PARP4: variants seen among roughly 807,000 people sequenced by gnomAD.
PARP4 encodes poly(ADP-ribose) polymerase family member 4.
A neutral mutation model predicts 187.7 loss-of-function variants in PARP4; 120 were observed. That is an observed-to-expected ratio of 0.64 (90% CI 0.55 to 0.74). PARP4 has a LOEUF of 0.74. PARP4 is among the 30% of genes least tolerant of loss of function. The pLI is 0.00. For missense variants in PARP4, 1,836 were observed against 2,070.5 expected (o/e 0.89, Z 2.20); for synonymous variants, 654 against 740.9 (o/e 0.88, Z 1.90).
At chr13:24,489,393 A>G (rs1009431092) in intron 10 of PARP4, among the ~76,000 whole-genome samples, 5 of 152,134 alleles carry the variant, frequency 3.3e-5, no homozygotes, top group African/African-American at 1.2e-4. Context: ...GCAGATCACA[A>G]GGTCAGGAGA....
intron 12 of PARP4, among the ~76,000 whole-genome samples, chr13:24,484,223 G>C (rs1393804211): frequency 2.6e-5 from 4 of 152,174 alleles, no homozygotes; most frequent in Admixed American, 6.5e-5. Flanking sequence ...CTGGACTGCA[G>C]TGACATAATC....
intron 1 of PARP4, among the ~76,000 whole-genome samples, chr13:24,509,646 G>C (rs546497089): frequency 6.6e-6 from 1 of 152,084 alleles, no homozygotes; most frequent in Non-Finnish European, 1.5e-5. Flanking sequence ...GGTCAATAAA[G>C]TTATTTTTAA....
intron 26 of PARP4, 98 bp downstream of exon 26, chr13:24,446,918 G>A: frequency 6.8e-7 from 1 of 1,470,686 alleles, no homozygotes. Context: ...CCCAGAAGAA[G>A]AAAATCTGCT....
Position 24,455,642 on chromosome 13 carries a change from G to A in PARP4, c.2563-430C>T, listed in dbSNP as rs372939384. On this transcript the variant is annotated intron_variant, in intron 21 of 33. Coordinates refer to ENST00000381989, the MANE Select transcript of PARP4 (RefSeq NM_006437.4). Reference sequence around the variant, plus strand: ...TTTTTTTTTTTTTTTTTTTGAGACAGGGTCTCCCTCTGTTGTCCAGGCTGG... The same window carrying A: ...TTTTTTTTTTTTTTTTTTTGAGACAAGGTCTCCCTCTGTTGTCCAGGCTGG... 5.4e-3 allele frequency among the ~76,000 whole-genome samples: 674 copies of A among 125,406 alleles called. 7 individuals carry two copies. The highest frequency in any genetic ancestry group is 0.02 in the African/African-American group (638 of 32,590). 82.3% of individuals were successfully genotyped at this position (125,406 alleles called of 152,430 possible).
At position 24,493,652 on chromosome 13, in the gene PARP4, G is replaced by A. The variant is rs2137533703; in HGVS notation, c.823C>T (p.Leu275=). ...AGAAGCATGTGTTCCAGGTGGCCCA[G>A]GGCCTCTGCCCAAATCATCTCTACT... ...DLVEMIWAEA[L]GHLEHMLLKP... The change falls in exon 8 of 34, where the codon CTG becomes TTG. Residue 275 remains leucine, a synonymous_variant. Coordinates refer to ENST00000381989, the MANE Select transcript of PARP4 (RefSeq NM_006437.4). The A allele has an allele frequency of 6.2e-7, 1 of 1,614,002 alleles. No individual in the cohort carries two copies. The highest frequency in any genetic ancestry group is 8.5e-7 in the Non-Finnish European group (1 of 1,179,960).
chr13:24,509,934 A>G (rs934161166), intron 1 of PARP4, among the ~76,000 whole-genome samples: 3 of 152,072 alleles, frequency 2.0e-5, no homozygotes, highest in African/African-American at 7.2e-5. Context: ...TCCTGAGCTC[A>G]AGTGATCTGC....
Position 24,452,589 on chromosome 13 carries a change from G to A in PARP4, c.2831C>T (p.Ala944Val). ...GTCTGTGTTCCCCATGGTAGGTGTG[G>A]CAGACTGGAGGAAATGAAGTGAAAG... The part of the protein sequence containing the change: ...NTMAAEFIMS[A>V]TPTMGNTDFW... The change falls in exon 24 of 34, where the codon GCC becomes GTC. Residue 944 changes from alanine (A) to valine (V), a missense_variant. Ala to Val is a moderately conservative substitution (Grantham distance 64). Transcript: ENST00000381989. 6.2e-7 allele frequency: 1 copy of A among 1,610,352 alleles called. No individual in the cohort carries two copies. Among genetic ancestry groups the A allele is most frequent in the Non-Finnish European group, 8.5e-7 (1 of 1,177,902 alleles).
intron 1 of PARP4, among the ~76,000 whole-genome samples, chr13:24,504,191 G>A (rs1028134531): frequency 1.5e-4 from 23 of 151,704 alleles, no homozygotes; most frequent in African/African-American, 5.1e-4. Flanking sequence ...TCTTTATGTG[G>A]ACTTCTATTA....
chr13:24,486,292 C>T lies in PARP4; in HGVS notation c.1228G>A (p.Asp410Asn), dbSNP rs536845197. ...LQNHHSKSPV[D>N]VLQIFRVGRV... ...CCAACTCTAAATATCTGCAAGACAT[C>T]CACTGGGCTCTTACTGTAAGAATTA... The change falls in exon 11 of 34, where the codon GAT becomes AAT. Residue 410 changes from aspartate (D) to asparagine (N), a missense_variant. Asp to Asn is a conservative substitution (Grantham distance 23). Coordinates refer to ENST00000381989, the MANE Select transcript of PARP4 (RefSeq NM_006437.4). 1.3e-6 allele frequency: 2 copies of T among 1,591,148 alleles called. No individual in the cohort carries two copies. Among genetic ancestry groups the T allele is most frequent in the East Asian group, 4.5e-5 (2 of 44,740 alleles).
At chr13:24,475,699 G>A in intron 14 of PARP4, 103 bp from the exon 15 acceptor site, 3 of 1,157,144 alleles carry the variant, frequency 2.6e-6, no homozygotes, top group Non-Finnish European at 3.7e-6. Flanking sequence ...TTTTATTTTA[G>A]GGAAAATGGG....
chr13:24,449,373 G>A (rs1198907037), intron 25 of PARP4, among the ~76,000 whole-genome samples: 2 of 116,652 alleles, frequency 1.7e-5, no homozygotes, highest in Admixed American at 2.0e-4. Context: ...GGGCGACAGA[G>A]CAAGACTCTG....
chr13:24,480,265 G>T (rs1240261598), intron 12 of PARP4, among the ~76,000 whole-genome samples: 1 of 152,152 alleles, frequency 6.6e-6, no homozygotes, highest in Non-Finnish European at 1.5e-5. Flanking sequence ...TGTGTGTTCT[G>T]ACTGCTCCAC....
At chr13:24,458,683 G>A (rs985410555) in intron 20 of PARP4, among the ~76,000 whole-genome samples, 1 of 152,200 alleles carries the variant, frequency 6.6e-6, no homozygotes, top group African/African-American at 2.4e-5. Flanking sequence ...TGTGAAACAG[G>A]TCTTTTGGAA....
At chr13:24,435,916 CAAAAAAAAAA>C (rs56254149) in intron 30 of PARP4, among the ~76,000 whole-genome samples, 1 of 87,932 alleles carries the variant, frequency 1.1e-5, no homozygotes, top group Non-Finnish European at 2.3e-5. Flanking sequence ...TATTCTGTCT[CAAAAAAAAAA>C]AAAAAAAAAA....
intron 9 of PARP4, among the ~76,000 whole-genome samples, chr13:24,491,285 TA>T: frequency 6.6e-6 from 1 of 152,196 alleles, no homozygotes; most frequent in South Asian, 2.1e-4. Context: ...CATGCCTAGC[TA>T]ACTTCTTGTA....
chr13:24,485,488 ATGGTTTTTT>A (rs1276568239), intron 11 of PARP4, among the ~76,000 whole-genome samples: 1 of 152,124 alleles, frequency 6.6e-6, no homozygotes, highest in Admixed American at 6.6e-5. Context: ...TAGCAGTTTA[ATGGTTTTTT>A]GGTTTTTTCT....
At position 24,494,625 on chromosome 13, in the gene PARP4, C is replaced by T; in HGVS notation, c.689G>A (p.Arg230Lys). Residue 230 changes from arginine (R) to lysine (K), a missense_variant, in exon 7 of 34, where the codon AGA (arginine) becomes AAA (lysine). This residue lies in a region of PARP4 where 1,147 missense variants were observed against 1,214.2 expected (regional missense o/e 0.94). Transcript: ENST00000381989. ...GGTTGCTTCAGGTGTGAAATGTTCT[C>T]TTAGTAGAAATCCTTGTTTCTTCAG... Reference protein sequence around the residue: ...EELKKQGFLLREHFTPEATQL... With the variant: ...EELKKQGFLLKEHFTPEATQL... The T allele has an allele frequency of 1.9e-6, 3 of 1,611,888 alleles. No individual in the cohort carries two copies. The highest frequency in any genetic ancestry group is 1.3e-5 in the African/African-American group (1 of 74,994).
chr13:24,424,693 A>T lies in PARP4; in HGVS notation c.4979+1773T>A, dbSNP rs9511248. On this transcript the variant is annotated intron_variant, in intron 33 of 33. Coordinates refer to ENST00000381989, the MANE Select transcript of PARP4 (RefSeq NM_006437.4). Reference sequence around the variant, plus strand: ...ATGTACTTTTTTTTTTTTTTTTGAGACGGAGTCTCACTCTGTCACCCAGGC... The same window carrying T: ...ATGTACTTTTTTTTTTTTTTTTGAGTCGGAGTCTCACTCTGTCACCCAGGC... Among the ~76,000 whole-genome samples, 482 of 74,388 alleles carry T rather than the reference A, an allele frequency of 6.5e-3. 1 individual carries two copies. The highest frequency in any genetic ancestry group is 9.6e-3 in the Non-Finnish European group (361 of 37,450). The allele number at this position is 74,388 out of a possible 152,430, so 48.8% of individuals were successfully genotyped here. A position where few individuals can be genotyped will look rare whatever the true frequency, so the allele number is the denominator to read the frequency against.
chr13:24,501,865 A>C, intron 2 of PARP4, 31 bp from the exon 3 acceptor site: 2 of 1,228,844 alleles, frequency 1.6e-6, no homozygotes, highest in East Asian at 2.3e-5. Context: ...TCCATTATGC[A>C]TCAAGAAAAA....
Sources: gnomAD v4.1 joint callset for allele counts (sites outside exome capture counted in the v4.1 genomes callset) on GRCh38, gnomAD v4.1.1 for gene constraint, gnomAD v4.1.1 regional missense constraint, MANE v1.5 for transcripts, NCBI Gene and HGNC (gene_info 2026-07-23, HGNC 2026-07-21) for gene names.